EDARADD: variants seen among roughly 807,000 people sequenced by gnomAD.
EDARADD encodes EDAR associated via death domain.
Under a neutral mutation model 25.6 loss-of-function variants are expected in EDARADD, and 20 were observed. The observed-to-expected ratio is 0.78, with a 90% CI of 0.55 to 1.14. The LOEUF (loss-of-function observed/expected upper bound fraction) is 1.14, where lower values mean the gene tolerates loss of function less well. Ranked by LOEUF, EDARADD falls within the 50% of genes most tolerant of loss-of-function variation. The pLI is 0.00. For missense variants in EDARADD, 225 were observed against 270.1 expected (o/e 0.83, Z 1.17); for synonymous variants, 86 against 94.4 (o/e 0.91, Z 0.52).
chr1:236,413,183 T>C (rs72753337), intron 2 of EDARADD, among the ~76,000 whole-genome samples: 2,737 of 152,376 alleles, frequency 0.018, 44 homozygotes, highest in South Asian at 0.028. Flanking sequence ...AACAGAGTGA[T>C]AAATGTTCTA....
Position 236,368,440 on chromosome 1 carries a change from C to CTTTT in EDARADD, c.-6+17617_-6+17620dup, listed in dbSNP as rs59201705. Among the ~76,000 whole-genome samples the CTTTT allele has an allele frequency of 3.4e-4, 42 of 124,172 alleles. 2 individuals carry two copies. Among genetic ancestry groups the CTTTT allele is most frequent in the African/African-American group, 9.9e-4 (32 of 32,308 alleles). 81.5% of individuals were successfully genotyped at this position (124,172 alleles called of 152,430 possible). A position where few individuals can be genotyped will look rare whatever the true frequency, so the allele number is the denominator to read the frequency against. On this transcript the variant is annotated intron_variant, in intron 3 of 7. Transcript: ENST00000439430. ...CACCCCAGCCCCAATCCAGTCTTTTCTTTTTTTTTTTTTTTTTTTGACAGA... is the reference window on the plus strand; with the variant it reads ...CACCCCAGCCCCAATCCAGTCTTTTCTTTTTTTTTTTTTTTTTTTTTTTGACAGA...
chr1:236,430,197 C>A lies in EDARADD; in HGVS notation c.219+2747C>A, dbSNP rs768583629. Among the ~76,000 whole-genome samples the A allele has an allele frequency of 1.5e-4, 23 of 152,180 alleles. 1 individual carries two copies. Among genetic ancestry groups the A allele is most frequent in the Non-Finnish European group, 2.9e-4 (20 of 68,034 alleles). On this transcript the variant is annotated intron_variant, in intron 4 of 5. Coordinates refer to ENST00000334232, the MANE Select transcript of EDARADD (RefSeq NM_145861.4). ...CATTAATTGTGAATATCAGACTTCA[C>A]TCTTTACTCCTGATACTCAACATTT...
chr1:236,359,019 G>C (rs111602588), intron 3 of EDARADD, among the ~76,000 whole-genome samples: 2 of 152,150 alleles, frequency 1.3e-5, no homozygotes, highest in Admixed American at 1.3e-4. Flanking sequence ...TCTCTTTGTA[G>C]GTCTCTAAGA....
chr1:236,466,694 T>C (rs1659200511), intron 4 of EDARADD, among the ~76,000 whole-genome samples: 1 of 152,182 alleles, frequency 6.6e-6, no homozygotes, highest in Non-Finnish European at 1.5e-5. Context: ...GTATGTACAC[T>C]GCTGAGACAT....
chr1:236,367,558 T>C (rs1572111472), intron 3 of EDARADD, among the ~76,000 whole-genome samples: 1 of 151,888 alleles, frequency 6.6e-6, no homozygotes, highest in African/African-American at 2.4e-5. Context: ...AGAGACGAGG[T>C]CTCACTATGT....
chr1:236,353,421 C>T (rs567109397), intron 3 of EDARADD, among the ~76,000 whole-genome samples: 4 of 152,150 alleles, frequency 2.6e-5, no homozygotes, highest in Non-Finnish European at 5.9e-5. Flanking sequence ...GTGGCTCACA[C>T]CTGTAATCCC....
At chr1:236,473,768 G>A (rs894128006) in intron 5 of EDARADD, among the ~76,000 whole-genome samples, 3 of 152,066 alleles carry the variant, frequency 2.0e-5, no homozygotes, top group African/African-American at 7.2e-5. Flanking sequence ...CTGGGTGACA[G>A]AGTGAGACTC....
chr1:236,402,275 A>G (rs1460929742), intron 1 of EDARADD, among the ~76,000 whole-genome samples: 1 of 152,112 alleles, frequency 6.6e-6, no homozygotes, highest in East Asian at 1.9e-4. Context: ...TTCTATTTTA[A>G]ATTTTATTTT....
intron 4 of EDARADD, among the ~76,000 whole-genome samples, chr1:236,432,047 T>C (rs1658110303): frequency 6.6e-6 from 1 of 152,116 alleles, no homozygotes; most frequent in Admixed American, 6.6e-5. Flanking sequence ...ACAATTTCCA[T>C]GATACTTTAA....
rs545428980 is a variant in EDARADD, at chr1:236,379,932, A to G, written c.-6+29093A>G. 2.5e-3 allele frequency among the ~76,000 whole-genome samples: 380 copies of G among 152,328 alleles called. 2 individuals are homozygous for G. Among genetic ancestry groups the G allele is most frequent in the South Asian group, 0.015 (71 of 4,830 alleles). ...TCTCTGTGCTAAAGGTACCAGGTAT[A>G]ACTTGCTTATTTTAAGTAGGCGTTT... On this transcript the variant is annotated intron_variant, in intron 3 of 7. Coordinates refer to the EDARADD transcript ENST00000439430.
At chr1:236,390,446 A>G (rs1667408433), upstream of EDARADD, among the ~76,000 whole-genome samples, 1 of 152,046 alleles carries the variant, frequency 6.6e-6, no homozygotes, top group Non-Finnish European at 1.5e-5. Context: ...TCCCAGCTAC[A>G]GGAGGCTGAG....
intron 3 of EDARADD, among the ~76,000 whole-genome samples, chr1:236,358,945 T>C (rs558035430): frequency 6.6e-6 from 1 of 152,358 alleles, no homozygotes; most frequent in East Asian, 1.9e-4. Flanking sequence ...TCTGTCTTGA[T>C]GATCTATCTA....
chr1:236,424,238 T>C (rs1380688963), intron 3 of EDARADD, among the ~76,000 whole-genome samples: 2 of 142,334 alleles, frequency 1.4e-5, no homozygotes, highest in Admixed American at 7.8e-5. Context: ...CATGGGTCAC[T>C]GCAGCCTTGA....
intron 3 of EDARADD, among the ~76,000 whole-genome samples, chr1:236,376,394 A>C (rs1014247681): frequency 6.6e-6 from 1 of 152,118 alleles, no homozygotes; most frequent in African/African-American, 2.4e-5. Context: ...GAAGCTTTTT[A>C]TCTCTCCTTC....
intron 3 of EDARADD, among the ~76,000 whole-genome samples, chr1:236,368,660 G>A (rs1459809481): frequency 2.0e-5 from 3 of 151,980 alleles, no homozygotes; most frequent in East Asian, 1.9e-4. Context: ...GGCTGGTCTC[G>A]AACTCCTGAC....
intron 4 of EDARADD, among the ~76,000 whole-genome samples, chr1:236,453,420 G>A (rs568647047): frequency 2.0e-5 from 3 of 151,946 alleles, no homozygotes; most frequent in Admixed American, 1.3e-4. Context: ...GGGATTACAG[G>A]CGCGCACCAC....
intron 1 of EDARADD, among the ~76,000 whole-genome samples, chr1:236,402,939 C>T (rs1229081098): frequency 6.6e-6 from 1 of 152,100 alleles, no homozygotes; most frequent in East Asian, 1.9e-4. Context: ...AGCTTTTAAA[C>T]TTTTCAAACT....
At chr1:236,427,533 A>C (rs1657957179) in intron 4 of EDARADD, 83 bp downstream of exon 4, 1 of 1,323,352 alleles carries the variant, frequency 7.6e-7, no homozygotes, top group Non-Finnish European at 1.1e-6. Context: ...AGTTTTACAA[A>C]TAAAAAATGA....
intron 4 of EDARADD, among the ~76,000 whole-genome samples, chr1:236,428,586 G>A (rs1370284839): frequency 7.9e-5 from 12 of 151,536 alleles, no homozygotes; most frequent in Non-Finnish European, 1.3e-4. Flanking sequence ...CTGGGCTGCC[G>A]GGCAGAGGCG....
Sources: gnomAD v4.1 joint callset for allele counts (sites outside exome capture counted in the v4.1 genomes callset) on GRCh38, gnomAD v4.1.1 for gene constraint, MANE v1.5 for transcripts, NCBI Gene and HGNC (gene_info 2026-07-23, HGNC 2026-07-21) for gene names.